TMCO6: variants seen among roughly 807,000 people sequenced by gnomAD.
TMCO6 encodes transmembrane and coiled-coil domains 6, also known as transmembrane and coiled-coil domain-containing protein 6.
TMCO6 carries 47 observed loss-of-function variants against 61.8 expected under a neutral mutation model. That is an observed-to-expected ratio of 0.76 (90% confidence interval 0.60 to 0.97). The LOEUF (loss-of-function observed/expected upper bound fraction) is 0.97, where lower values mean the gene tolerates loss of function less well. Ranked by LOEUF, TMCO6 falls within the 50% of genes least tolerant of loss-of-function variation. The pLI is 0.00. For synonymous variants in TMCO6, 261 were observed against 254.2 expected (o/e 1.03, Z -0.25); for missense variants, 557 against 601.6 (o/e 0.93, Z 0.78).
chr5:140,613,386 T>TAAAAAAAAAAAA, the TMCO6 span, among the ~76,000 whole-genome samples: 7 of 87,444 alleles, frequency 8.0e-5, no homozygotes, highest in African/African-American at 3.1e-4. Flanking sequence ...AGACTCTGAC[T>TAAAAAAAAAAAA]AAAAAAAAAA....
intron 6 of TMCO6, 123 bp downstream of exon 6, chr5:140,642,794 G>T: frequency 6.3e-7 from 1 of 1,588,758 alleles, no homozygotes; most frequent in Non-Finnish European, 8.6e-7. Flanking sequence ...GCTAGGAAGG[G>T]CTTTGGGTTT....
the TMCO6 span, among the ~76,000 whole-genome samples, chr5:140,613,090 T>C: frequency 2.6e-5 from 4 of 151,964 alleles, no homozygotes; most frequent in East Asian, 1.9e-4. Flanking sequence ...GATGTTAGGA[T>C]AGAAATGATG....
the TMCO6 span, among the ~76,000 whole-genome samples, chr5:140,602,274 C>T: frequency 6.6e-6 from 1 of 152,194 alleles, no homozygotes; most frequent in Non-Finnish European, 1.5e-5. Flanking sequence ...CTACATCTCC[C>T]TCAAAACCCA....
At chr5:140,647,367 G>A, downstream of TMCO6, 1 of 1,610,696 alleles carries the variant, frequency 6.2e-7, no homozygotes, top group South Asian at 1.1e-5. Context: ...AAGTCCCTGC[G>A]GGGCCGGAGA....
chr5:140,632,461 G>A, the TMCO6 span: 31 of 1,614,092 alleles, frequency 1.9e-5, no homozygotes, highest in Non-Finnish European at 2.5e-5. This position sits in a 1 kb window ranked among gnomAD's most constrained non-coding sequence, Gnocchi z 6.2. Context: ...GCAATGCTCA[G>A]TACCTTGAGG....
chr5:140,614,522 C>CAACAAA, the TMCO6 span, among the ~76,000 whole-genome samples: 1 of 151,990 alleles, frequency 6.6e-6, no homozygotes. Flanking sequence ...TAAACAACAA[C>CAACAAA]AACAACAACA....
At chr5:140,621,638 C>G in the TMCO6 span, among the ~76,000 whole-genome samples, 21 of 152,308 alleles carry the variant, frequency 1.4e-4, no homozygotes. Flanking sequence ...AGAGAGATAA[C>G]CTTAAACTCT....
chr5:140,632,257 C>T, the TMCO6 span: 16 of 1,613,506 alleles, frequency 9.9e-6, no homozygotes, highest in Non-Finnish European at 1.4e-5. This position sits in a 1 kb window ranked among gnomAD's most constrained non-coding sequence, Gnocchi z 6.2. Flanking sequence ...GCCGCCAGTG[C>T]GGCGCACACG....
chr5:140,609,586 A>G, the TMCO6 span, among the ~76,000 whole-genome samples: 1 of 151,888 alleles, frequency 6.6e-6, no homozygotes, highest in East Asian at 1.9e-4. Context: ...GCATGGGGCA[A>G]CAGGCATAGA....
the TMCO6 span, among the ~76,000 whole-genome samples, chr5:140,624,921 T>G: frequency 2.0e-5 from 3 of 149,238 alleles, no homozygotes; most frequent in Non-Finnish European, 4.4e-5. Context: ...TGGCATGATC[T>G]TGGCTCACTG....
the TMCO6 span, among the ~76,000 whole-genome samples, chr5:140,612,144 A>G: frequency 6.6e-6 from 1 of 152,124 alleles, no homozygotes; most frequent in Non-Finnish European, 1.5e-5. Flanking sequence ...CAGAAAAGGA[A>G]GTCCTACAAC....
Position 140,641,544 on chromosome 5 carries a change from G to C in TMCO6, c.199-121G>C, listed in dbSNP as rs531111433. The C allele has an allele frequency of 8.2e-4, 625 of 760,992 alleles. 4 individuals carry two copies. Among genetic ancestry groups the C allele is most frequent in the South Asian group, 2.4e-3 (137 of 58,202 alleles). The allele number at this position is 760,992 out of a possible 1,614,324, so 47.1% of individuals were successfully genotyped here. A position where few individuals can be genotyped will look rare whatever the true frequency, so the allele number is the denominator to read the frequency against. The stretch of plus-strand genomic sequence containing the variant: ...AGGTAGATGCTTATTAGTTGCATTA[G>C]TGTGAATGACAAGTTCTGAAGGTGT... On this transcript the variant is annotated intron_variant, in intron 2 of 11. Coordinates refer to ENST00000394671, the MANE Select transcript of TMCO6 (RefSeq NM_018502.5).
the TMCO6 span, among the ~76,000 whole-genome samples, chr5:140,598,032 C>T: frequency 6.6e-6 from 1 of 152,120 alleles, no homozygotes; most frequent in Non-Finnish European, 1.5e-5. Context: ...CCTCCCTCAA[C>T]CCCTCTCCCC....
At chr5:140,631,758 G>A in the TMCO6 span, 1 of 1,119,276 alleles carries the variant, frequency 8.9e-7, no homozygotes, top group Non-Finnish European at 1.3e-6. Context: ...AATAAAGGTG[G>A]GGCAAAGGGT....
chr5:140,638,426 A>T (rs1450800049), upstream of TMCO6, among the ~76,000 whole-genome samples: 1 of 152,160 alleles, frequency 6.6e-6, no homozygotes, highest in African/African-American at 2.4e-5. Flanking sequence ...GTGCCTCGGC[A>T]TCTAACGAAG....
chr5:140,633,210 CCTGGGATGTCATTCAGTTCCCTCCT>C, the TMCO6 span: 2 of 1,065,784 alleles, frequency 1.9e-6, no homozygotes, highest in Admixed American at 4.0e-5. Flanking sequence ...TTTATGTAAT[CCTGGGATGTCATTCAGTTCCCTCCT>C]CTGTGAACCC....
the TMCO6 span, among the ~76,000 whole-genome samples, chr5:140,602,041 T>C: frequency 1.3e-5 from 2 of 152,200 alleles, no homozygotes; most frequent in Non-Finnish European, 2.9e-5. Flanking sequence ...GGCATCAACA[T>C]GGACTGCCAA....
chr5:140,637,336 A>T (rs1756792838), upstream of TMCO6, among the ~76,000 whole-genome samples: 1 of 152,220 alleles, frequency 6.6e-6, no homozygotes, highest in Non-Finnish European at 1.5e-5. Flanking sequence ...TGCCTAGTAG[A>T]CTAGTGGCAC....
the TMCO6 span, among the ~76,000 whole-genome samples, chr5:140,609,731 A>C: frequency 6.6e-6 from 1 of 151,752 alleles, no homozygotes; most frequent in African/African-American, 2.4e-5. Context: ...TGAGCATGGG[A>C]TATTATTCCA....
Sources: allele counts gnomAD v4.1 joint callset (sites outside exome capture counted in the v4.1 genomes callset), GRCh38; gene constraint gnomAD v4.1.1; non-coding constraint Gnocchi (gnomAD v3.1); transcripts MANE v1.5; gene names NCBI Gene and HGNC (gene_info 2026-07-23, HGNC 2026-07-21).